DHX8: variants seen among roughly 807,000 people sequenced by gnomAD.
The protein encoded by DHX8 is DEAH-box helicase 8, also known as ATP-dependent RNA helicase DHX8.
Under a neutral mutation model 140.7 loss-of-function variants are expected in DHX8, and 67 were observed. That is an observed-to-expected ratio of 0.48 (90% CI 0.39 to 0.58). The LOEUF (loss-of-function observed/expected upper bound fraction) is 0.58. Ranked by LOEUF, DHX8 falls within the 20% of genes least tolerant of loss-of-function variation. The probability of loss-of-function intolerance (pLI) is 0.00; values close to 1 mark genes in which losing one functional copy is unlikely to be tolerated. For synonymous variants in DHX8, 533 were observed against 553.2 expected (o/e 0.96, Z 0.51); for missense variants, 887 against 1,550.7 (o/e 0.57, Z 7.19).
intron 16 of DHX8, among the ~76,000 whole-genome samples, chr17:43,510,791 C>T (rs1176667055): frequency 6.6e-6 from 1 of 152,166 alleles, no homozygotes; most frequent in Non-Finnish European, 1.5e-5. Flanking sequence ...CCATTTACTC[C>T]TCTGCTCAGC....
At chr17:43,527,242 G>A (rs979746015), downstream of DHX8, among the ~76,000 whole-genome samples, 1 of 152,096 alleles carries the variant, frequency 6.6e-6, no homozygotes, top group Non-Finnish European at 1.5e-5. Flanking sequence ...CCCACTCCCC[G>A]GAAGATCTAA....
intron 11 of DHX8, among the ~76,000 whole-genome samples, chr17:43,501,230 A>G (rs948570986): frequency 6.6e-6 from 1 of 152,086 alleles, no homozygotes; most frequent in Admixed American, 6.5e-5. Context: ...CCCAAAGGAT[A>G]AATTGGACTC....
At chr17:43,520,363 A>G (rs1005313658) in intron 19 of DHX8, 96 bp downstream of exon 19, 32 of 1,435,750 alleles carry the variant, frequency 2.2e-5, no homozygotes, top group Non-Finnish European at 2.8e-5. Context: ...GAGGCCGTGG[A>G]TAAGCTTTGA....
chr17:43,508,437 T>C lies in DHX8; in HGVS notation c.2419T>C (p.Leu807=), dbSNP rs1470306920. The change falls in exon 16 of 23, where the codon TTA becomes CTA. Residue 807 remains leucine, a synonymous_variant. Transcript: ENST00000262415. ...ATCCCTGGGACCTGATGTTCCAGAG[T>C]TAATTATCCTCCCAGTGTACTCTGC... The part of the protein sequence containing the change: ...MKSLGPDVPE[L]IILPVYSALP... The C allele has an allele frequency of 1.9e-6, 3 of 1,613,524 alleles. No homozygotes were observed. The South Asian group carries it at 3.3e-5, about 18-fold the overall frequency.
In DHX8 at chr17:43,520,878, A is replaced by G; in HGVS notation, c.3065A>G (p.Lys1022Arg). The change falls in exon 20 of 23, where the codon AAG becomes AGG. Residue 1022 changes from lysine to arginine, a missense_variant and splice_region_variant. Lys to Arg is a conservative substitution (Grantham distance 26). Coordinates refer to ENST00000262415, the MANE Select transcript of DHX8 (RefSeq NM_004941.3). ...LSVQNVFYRP[K>R]DKQALADQKK... Reference sequence around the variant, plus strand: ...GTGCAGAACGTCTTCTATAGGCCCAAGGTAGGAAGTTCAGATCCAAGTTTA... The same window carrying G: ...GTGCAGAACGTCTTCTATAGGCCCAGGGTAGGAAGTTCAGATCCAAGTTTA... 1 of 1,606,638 alleles carries G rather than the reference A, an allele frequency of 6.2e-7. No homozygotes were observed. Among genetic ancestry groups the G allele is most frequent in the Non-Finnish European group, 8.5e-7 (1 of 1,176,992 alleles).
At chr17:43,496,894 G>A (rs971878676) in intron 9 of DHX8, among the ~76,000 whole-genome samples, 1 of 152,056 alleles carries the variant, frequency 6.6e-6, no homozygotes, top group African/African-American at 2.4e-5. Context: ...TTACCTCTGA[G>A]TTGCCCTGGA....
downstream of DHX8, chr17:43,528,644 ACT>A (rs770002811): frequency 1.2e-6 from 2 of 1,614,032 alleles, no homozygotes; most frequent in Admixed American, 1.7e-5. Context: ...GGCCGGTCAA[ACT>A]CAGCCTTGAG....
intron 9 of DHX8, among the ~76,000 whole-genome samples, chr17:43,496,493 C>T (rs1355758302): frequency 6.6e-6 from 1 of 151,980 alleles, no homozygotes; most frequent in African/African-American, 2.4e-5. Flanking sequence ...AATAAGCTCT[C>T]AGGGCCAGGC....
Position 43,542,803 on chromosome 17 carries a change from C to T in DHX8, c.*21-1359C>T, listed in dbSNP as rs534261744. 3.9e-5 allele frequency among the ~76,000 whole-genome samples: 6 copies of T among 152,290 alleles called. No individual in the cohort carries two copies. In the South Asian group the frequency reaches 1.2e-3, roughly 32 times the overall value. On this transcript the variant is annotated intron_variant, in intron 3 of 3. Coordinates refer to the DHX8 transcript ENST00000589898. ...GACCCACCCACACTACCAGGACCCCCCTGCTGCTTCTCTTCAAATTGGGGC... is the reference window on the plus strand; with the variant it reads ...GACCCACCCACACTACCAGGACCCCTCTGCTGCTTCTCTTCAAATTGGGGC...
intron 1 of DHX8, among the ~76,000 whole-genome samples, chr17:43,486,888 A>AG (rs1968189467): frequency 6.6e-6 from 1 of 152,054 alleles, no homozygotes; most frequent in East Asian, 1.9e-4. Context: ...AAAAAAAAAA[A>AG]AAAAAGATTA....
chr17:43,523,784 C>T lies in DHX8; in HGVS notation c.3600C>T (p.Pro1200=). Residue 1200 remains proline, a synonymous_variant, in exon 23 of 23, where the codon CCC becomes CCT. Coordinates refer to ENST00000262415, the MANE Select transcript of DHX8 (RefSeq NM_004941.3). ...AGAAGAAGCAACAGCGTCTTGAACC[C>T]TTGTACAACCGCTATGAGGAACCCA... ...SKQKKQQRLE[P]LYNRYEEPNA... 6.2e-7 allele frequency: 1 copy of T among 1,614,210 alleles called. No homozygotes were observed. Among genetic ancestry groups the T allele is most frequent in the Non-Finnish European group, 8.5e-7 (1 of 1,180,052 alleles).
intron 2 of DHX8, chr17:43,532,630 G>C: frequency 1.3e-6 from 2 of 1,557,040 alleles, no homozygotes; most frequent in Non-Finnish European, 1.7e-6. Flanking sequence ...GGGCTTAACT[G>C]AACACTTGAT....
downstream of DHX8, chr17:43,529,109 C>T (rs2154587027): frequency 6.2e-7 from 1 of 1,610,986 alleles, no homozygotes; most frequent in Non-Finnish European, 8.5e-7. Context: ...CCCCCACCAC[C>T]TTGTCCCTAG....
chr17:43,486,220 G>C (rs944495595), intron 1 of DHX8, among the ~76,000 whole-genome samples: 1 of 150,750 alleles, frequency 6.6e-6, no homozygotes, highest in African/African-American at 2.4e-5. Context: ...TACTAATATT[G>C]GTTTAATGCA....
At chr17:43,526,222 TC>T (rs1970611617), downstream of DHX8, 1 of 985,184 alleles carries the variant, frequency 1.0e-6, no homozygotes, top group Non-Finnish European at 1.2e-6. Flanking sequence ...AACCAGTATT[TC>T]CCAAGATTGA....
At chr17:43,530,354 AG>A (rs1970848956), downstream of DHX8, 4 of 1,467,458 alleles carry the variant, frequency 2.7e-6, no homozygotes, top group Non-Finnish European at 3.6e-6. Flanking sequence ...GTTCACCCAG[AG>A]GGAGTGTGAT....
intron 2 of DHX8, chr17:43,533,822 T>C (rs1971090473): frequency 1.2e-6 from 2 of 1,604,152 alleles, no homozygotes; most frequent in Non-Finnish European, 8.5e-7. Flanking sequence ...TCTGGAACCC[T>C]TCTCCTACCC....
rs748941253 is a variant in DHX8, at chr17:43,492,839, G to A, written c.662G>A (p.Arg221Lys). Residue 221 changes from arginine (R) to lysine (K), a missense_variant, in exon 6 of 23, where the codon AGA (arginine) becomes AAA (lysine). Physicochemically the swap from Arg to Lys is conservative, Grantham distance 26 (BLOSUM62 2). Coordinates refer to ENST00000262415, the MANE Select transcript of DHX8 (RefSeq NM_004941.3). ...RTRERNKVKSRYRSRSRSQSP... is the reference protein window; with the variant it reads ...RTRERNKVKSKYRSRSRSQSP... ...CGGGAGAGGAATAAAGTGAAGTCTA[G>A]ATATCGGTCCAGGAGCAGGAGTCAG... 1 of 1,614,198 alleles carries A rather than the reference G, an allele frequency of 6.2e-7. No homozygotes were observed.
chr17:43,534,705 C>T (rs1598204133), intron 2 of DHX8, among the ~76,000 whole-genome samples: 1 of 151,804 alleles, frequency 6.6e-6, no homozygotes. Context: ...TTTGGGAGGC[C>T]GAGGCGGGCG....
Sources: gnomAD v4.1 joint callset for allele counts (sites outside exome capture counted in the v4.1 genomes callset) on GRCh38, gnomAD v4.1.1 for gene constraint, MANE v1.5 for transcripts, NCBI Gene and HGNC (gene_info 2026-07-23, HGNC 2026-07-21) for gene names.